NOS1AP: variants seen among roughly 807,000 people sequenced by gnomAD.
NOS1AP encodes nitric oxide synthase 1 adaptor protein, also known as carboxyl-terminal PDZ ligand of neuronal nitric oxide synthase protein.
In NOS1AP, 21 loss-of-function variants were observed where a neutral mutation model predicts 56.2. The observed-to-expected ratio is 0.37, with a 90% CI of 0.26 to 0.54. NOS1AP has a LOEUF of 0.54. Among genes scored for constraint, NOS1AP ranks in the 20% least tolerant of loss-of-function variants. The pLI, the probability that NOS1AP is intolerant of heterozygous loss-of-function variation, is 0.84. For synonymous variants in NOS1AP, 270 were observed against 274.6 expected (o/e 0.98, Z 0.17); for missense variants, 522 against 657.8 (o/e 0.79, Z 2.26).
chr1:162,221,547 C>A (rs1652783147), intron 2 of NOS1AP, among the ~76,000 whole-genome samples: 1 of 150,844 alleles, frequency 6.6e-6, no homozygotes, highest in Admixed American at 6.6e-5. Flanking sequence ...CACACACACA[C>A]ACACACACAC....
intron 1 of NOS1AP, among the ~76,000 whole-genome samples, chr1:162,105,890 C>T (rs867311264): frequency 6.6e-6 from 1 of 152,236 alleles, no homozygotes; most frequent in South Asian, 2.1e-4. Context: ...GGGTCTCAAT[C>T]CACGTGGTGC....
intron 2 of NOS1AP, among the ~76,000 whole-genome samples, chr1:162,228,141 G>A (rs533791317): frequency 5.9e-5 from 9 of 152,286 alleles, no homozygotes; most frequent in East Asian, 1.9e-4. Context: ...GAGGAAGCAC[G>A]GAGAGATAAA....
At chr1:162,184,716 G>A (rs1306207535) in intron 2 of NOS1AP, among the ~76,000 whole-genome samples, 1 of 152,192 alleles carries the variant, frequency 6.6e-6, no homozygotes, top group African/African-American at 2.4e-5. Flanking sequence ...TAGGATGCCT[G>A]TAGAGAACCT....
At chr1:162,111,379 C>T (rs1317086563) in intron 1 of NOS1AP, among the ~76,000 whole-genome samples, 1 of 152,188 alleles carries the variant, frequency 6.6e-6, no homozygotes, top group Admixed American at 6.5e-5. Context: ...CATCCTCATC[C>T]CAGCCCCCTG....
intron 1 of NOS1AP, among the ~76,000 whole-genome samples, chr1:162,090,875 A>G (rs1309090936): frequency 6.6e-6 from 1 of 152,100 alleles, no homozygotes; most frequent in African/African-American, 2.4e-5. Flanking sequence ...TGCTTTCACT[A>G]TCACATATTT....
intron 2 of NOS1AP, among the ~76,000 whole-genome samples, chr1:162,179,271 C>T (rs913251140): frequency 4.6e-5 from 7 of 151,950 alleles, no homozygotes; most frequent in African/African-American, 9.7e-5. Flanking sequence ...GATATGAAAA[C>T]GATTCTTCTT....
intron 1 of NOS1AP, among the ~76,000 whole-genome samples, chr1:162,139,826 G>A (rs1039906562): frequency 6.6e-6 from 1 of 151,922 alleles, no homozygotes; most frequent in Non-Finnish European, 1.5e-5. Flanking sequence ...CAGAGTTGCC[G>A]TCTTACTTTT....
At chr1:162,162,822 A>G (rs1650287512) in intron 2 of NOS1AP, among the ~76,000 whole-genome samples, 1 of 152,134 alleles carries the variant, frequency 6.6e-6, no homozygotes, top group Non-Finnish European at 1.5e-5. Context: ...CATACCATAT[A>G]ACTCGCCCAT....
chr1:162,344,963 A>G (rs574136245), intron 6 of NOS1AP, among the ~76,000 whole-genome samples: 1 of 152,262 alleles, frequency 6.6e-6, no homozygotes, highest in Admixed American at 6.5e-5. Context: ...AAAAAAATCC[A>G]TTAAAATAAC....
At chr1:162,190,083 A>G (rs1651570228) in intron 2 of NOS1AP, among the ~76,000 whole-genome samples, 1 of 152,192 alleles carries the variant, frequency 6.6e-6, no homozygotes, top group African/African-American at 2.4e-5. Flanking sequence ...AGGCCTGTGA[A>G]TTGATGCCAA....
At chr1:162,268,767 C>T (rs1195799441) in intron 2 of NOS1AP, among the ~76,000 whole-genome samples, 2 of 151,532 alleles carry the variant, frequency 1.3e-5, no homozygotes, top group Non-Finnish European at 2.9e-5. Flanking sequence ...TATATTCAAA[C>T]TAAAAAAGAA....
chr1:162,174,312 A>G (rs1245985847), intron 2 of NOS1AP, among the ~76,000 whole-genome samples: 2 of 151,364 alleles, frequency 1.3e-5, no homozygotes, highest in African/African-American at 4.9e-5. Context: ...CGCAACGACA[A>G]AAAACCAAAC....
intron 2 of NOS1AP, among the ~76,000 whole-genome samples, chr1:162,214,833 G>A (rs779640717): frequency 1.6e-4 from 24 of 152,094 alleles, no homozygotes; most frequent in Admixed American, 4.6e-4. Context: ...CTGTCTGTAC[G>A]CTAACATTTG....
At chr1:162,129,127 C>T (rs958928723) in intron 1 of NOS1AP, among the ~76,000 whole-genome samples, 5 of 151,892 alleles carry the variant, frequency 3.3e-5, no homozygotes, top group Non-Finnish European at 7.4e-5. Flanking sequence ...AGCTAAGCTC[C>T]GCCTCCTTGG....
At chr1:162,297,534 C>T (rs978224205) in intron 3 of NOS1AP, among the ~76,000 whole-genome samples, 7 of 152,206 alleles carry the variant, frequency 4.6e-5, no homozygotes, top group Admixed American at 1.3e-4. Context: ...AGAGAGCTTC[C>T]GGTTGAGGAT....
Position 162,120,416 on chromosome 1 carries a change from G to A in NOS1AP, c.106-33989G>A, listed in dbSNP as rs542780601. Among the ~76,000 whole-genome samples the A allele has an allele frequency of 3.3e-5, 5 of 152,292 alleles. No homozygotes were observed. The South Asian group carries it at 1.0e-3, about 32-fold the overall frequency. On this transcript the variant is annotated intron_variant, in intron 1 of 9. Coordinates refer to ENST00000361897, the MANE Select transcript of NOS1AP (RefSeq NM_014697.3). ...GGAAAGAATTGGGAACCTGGTGAAG[G>A]AAATGAGGAGAGAATTTGTATTAGT...
chr1:162,186,506 C>A (rs1651437563), intron 2 of NOS1AP, among the ~76,000 whole-genome samples: 1 of 152,170 alleles, frequency 6.6e-6, no homozygotes, highest in African/African-American at 2.4e-5. Flanking sequence ...TTCGGGTGGA[C>A]TGAGTGTGTC....
chr1:162,091,280 G>T (rs1185127518), intron 1 of NOS1AP, among the ~76,000 whole-genome samples: 2 of 152,150 alleles, frequency 1.3e-5, no homozygotes, highest in African/African-American at 2.4e-5. Context: ...TGGGTCCCCT[G>T]TTGTTCCAGG....
chr1:162,300,564 T>TA (rs1655616364), intron 3 of NOS1AP, 69 bp from the exon 4 acceptor site: 1 of 1,353,458 alleles, frequency 7.4e-7, no homozygotes, highest in Admixed American at 1.7e-5. Context: ...TGTGTTTGCA[T>TA]AAGTATGCAT....
Sources: gnomAD v4.1 joint callset for allele counts (sites outside exome capture counted in the v4.1 genomes callset) on GRCh38, gnomAD v4.1.1 for gene constraint, MANE v1.5 for transcripts, NCBI Gene and HGNC (gene_info 2026-07-23, HGNC 2026-07-21) for gene names.